Variants in SRD5A2 observed in about 807,000 individuals in gnomAD.
The protein encoded by SRD5A2 is 3-oxo-5-alpha-steroid 4-dehydrogenase 2.
A neutral mutation model predicts 27.4 loss-of-function variants in SRD5A2; 30 were observed. The observed-to-expected ratio is 1.10, with a 90% CI of 0.82 to 1.49. The LOEUF is 1.49. Ranked by LOEUF, SRD5A2 falls within the 40% of genes most tolerant of loss-of-function variation. The pLI, the probability that SRD5A2 is intolerant of heterozygous loss-of-function variation, is 0.00. For synonymous variants in SRD5A2, 141 were observed against 133.6 expected (o/e 1.06, Z -0.38); for missense variants, 348 against 323.4 (o/e 1.08, Z -0.58).
At position 31,529,309 on chromosome 2, in the gene SRD5A2, A is replaced by G. The variant is rs9332965; in HGVS notation, c.696T>C (p.His232=). Residue 232 remains histidine, a splice_region_variant and synonymous_variant, in exon 4 of 5, where the codon CAT becomes CAC. Transcript: ENST00000622030. The part of the protein sequence containing the change: ...CFLGLRAFHH[H]RFYLKMFEDY... ...GCCGCTTTTATTGAAAAATTTACCT[A>G]TGGTGGTGAAAAGCTCGCAGCCCAA... 549 of 1,613,798 alleles carry G rather than the reference A, an allele frequency of 3.4e-4. 5 individuals are homozygous for G. The East Asian group carries it at 0.012, about 35-fold the overall frequency.
intron 3 of SRD5A2, among the ~76,000 whole-genome samples, chr2:31,530,036 G>A (rs2148064086): frequency 6.6e-6 from 1 of 152,220 alleles, no homozygotes; most frequent in African/African-American, 2.4e-5. Context: ...GTAGGCTGGT[G>A]AAGTCGGCTT....
the SRD5A2 span, among the ~76,000 whole-genome samples, chr2:31,604,929 C>A: frequency 3.0e-4 from 45 of 151,716 alleles, no homozygotes; most frequent in Non-Finnish European, 1.5e-5. Context: ...GTAACCAAAA[C>A]AGCATGGTAC....
chr2:31,625,546 A>G, the SRD5A2 span, among the ~76,000 whole-genome samples: 1 of 152,172 alleles, frequency 6.6e-6, no homozygotes, highest in Non-Finnish European at 1.5e-5. Context: ...TATAAAGTGT[A>G]AGGAAGGGAC....
the SRD5A2 span, among the ~76,000 whole-genome samples, chr2:31,619,264 A>G: frequency 3.9e-5 from 6 of 152,122 alleles, no homozygotes; most frequent in Non-Finnish European, 8.8e-5. Flanking sequence ...CAGTTCCTCA[A>G]AAAGTTTAGA....
In SRD5A2 at chr2:31,523,785, C is replaced by G. The variant is rs1665711332; in HGVS notation, c.*2411G>C. 3 of 220,162 alleles carry G rather than the reference C, an allele frequency of 1.4e-5. No individual in the cohort carries two copies. The East Asian group carries it at 2.0e-4, about 15-fold the overall frequency. The allele number at this position is 220,162 out of a possible 1,614,324, so 13.6% of individuals were successfully genotyped here. On this transcript the variant is annotated 3_prime_UTR_variant, in exon 5 of 5. Coordinates refer to ENST00000622030, the MANE Select transcript of SRD5A2 (RefSeq NM_000348.4). ...GGGAAGAAATATGTTTAGAGATGAG[C>G]ACATGTTCAGACCTTTACTGTATTT...
At chr2:31,604,917 T>C in the SRD5A2 span, among the ~76,000 whole-genome samples, 65 of 151,860 alleles carry the variant, frequency 4.3e-4, no homozygotes, top group Non-Finnish European at 8.3e-4. Flanking sequence ...TACAGAGGTA[T>C]AGTAACCAAA....
At chr2:31,530,790 T>C (rs1349348362) in intron 3 of SRD5A2, among the ~76,000 whole-genome samples, 1 of 152,234 alleles carries the variant, frequency 6.6e-6, no homozygotes, top group Admixed American at 6.5e-5. Flanking sequence ...TCTCATACCC[T>C]GGTTTCTTTG....
the SRD5A2 span, among the ~76,000 whole-genome samples, chr2:31,637,539 G>A: frequency 6.6e-6 from 1 of 152,098 alleles, no homozygotes; most frequent in African/African-American, 2.4e-5. Flanking sequence ...CAGAAAGTTT[G>A]TAAATAACCC....
At chr2:31,595,561 A>T in the SRD5A2 span, among the ~76,000 whole-genome samples, 2 of 151,146 alleles carry the variant, frequency 1.3e-5, no homozygotes, top group African/African-American at 4.8e-5. Flanking sequence ...AACAGTGAGA[A>T]AAAGTTGCCA....
At chr2:31,632,763 T>C in the SRD5A2 span, among the ~76,000 whole-genome samples, 303 of 152,280 alleles carry the variant, frequency 2.0e-3, no homozygotes, top group African/African-American at 6.6e-3. Context: ...TTTCTAATTA[T>C]ACCTGAAAAC....
chr2:31,650,763 C>T, the SRD5A2 span, among the ~76,000 whole-genome samples: 1 of 152,134 alleles, frequency 6.6e-6, no homozygotes, highest in African/African-American at 2.4e-5. Context: ...AAGAATCAGA[C>T]ATTGTGAGGA....
chr2:31,616,246 T>G, the SRD5A2 span, among the ~76,000 whole-genome samples: 1 of 152,084 alleles, frequency 6.6e-6, no homozygotes, highest in African/African-American at 2.4e-5. Flanking sequence ...GGAAAGGGAA[T>G]GTAGGGTTGA....
chr2:31,581,255 G>C (rs1667078020), upstream of SRD5A2, among the ~76,000 whole-genome samples: 1 of 152,112 alleles, frequency 6.6e-6, no homozygotes, highest in African/African-American at 2.4e-5. Context: ...AAAACCCCAC[G>C]GGGACGATTC....
the SRD5A2 span, among the ~76,000 whole-genome samples, chr2:31,597,618 A>G: frequency 6.6e-6 from 1 of 152,140 alleles, no homozygotes; most frequent in Non-Finnish European, 1.5e-5. Context: ...AGAAAAAAAC[A>G]ATCTCATCAA....
At chr2:31,641,538 C>T in the SRD5A2 span, among the ~76,000 whole-genome samples, 1 of 152,054 alleles carries the variant, frequency 6.6e-6, no homozygotes, top group Non-Finnish European at 1.5e-5. Context: ...TGTGACCATC[C>T]TTTACAATAT....
At chr2:31,532,805 C>T (rs534219809) in intron 2 of SRD5A2, among the ~76,000 whole-genome samples, 6 of 138,456 alleles carry the variant, frequency 4.3e-5, no homozygotes, top group Admixed American at 2.9e-4. Context: ...GGTAGGGGAG[C>T]GGGGAGGGAA....
the SRD5A2 span, among the ~76,000 whole-genome samples, chr2:31,607,736 T>C: frequency 6.6e-6 from 1 of 151,928 alleles, no homozygotes; most frequent in African/African-American, 2.4e-5. Context: ...ACAAACAAAA[T>C]ATATTTTTTT....
At chr2:31,541,454 A>G (rs1370706840) in intron 1 of SRD5A2, among the ~76,000 whole-genome samples, 1 of 152,172 alleles carries the variant, frequency 6.6e-6, no homozygotes, top group Non-Finnish European at 1.5e-5. Context: ...AGATCTACTC[A>G]AAAAAGACTT....
chr2:31,608,618 T>C, the SRD5A2 span, among the ~76,000 whole-genome samples: 1 of 151,960 alleles, frequency 6.6e-6, no homozygotes. Flanking sequence ...TGTATTCCTA[T>C]ACATTAGAAA....
Sources: allele counts gnomAD v4.1 joint callset (sites outside exome capture counted in the v4.1 genomes callset), GRCh38; gene constraint gnomAD v4.1.1; transcripts MANE v1.5; gene names NCBI Gene and HGNC (gene_info 2026-07-23, HGNC 2026-07-21).